HIPK2: variants seen among roughly 807,000 people sequenced by gnomAD.
HIPK2 encodes homeodomain interacting protein kinase 2, also known as homeodomain-interacting protein kinase 2.
In HIPK2, 27 loss-of-function variants were observed where a neutral mutation model predicts 113.7. That is an observed-to-expected ratio of 0.24 (90% confidence interval 0.17 to 0.33). The LOEUF (loss-of-function observed/expected upper bound fraction) is 0.33. HIPK2 is among the 10% of genes least tolerant of loss of function. The pLI is 1.00. For synonymous variants in HIPK2, 631 were observed against 642.2 expected (o/e 0.98, Z 0.26); for missense variants, 1,257 against 1,588.0 (o/e 0.79, Z 3.54).
chr7:139,721,144 C>A (rs1415467868), intron 1 of HIPK2, among the ~76,000 whole-genome samples: 2 of 152,204 alleles, frequency 1.3e-5, no homozygotes, highest in Non-Finnish European at 2.9e-5. Context: ...GCCGCTATTC[C>A]AATGACTGGA....
intron 2 of HIPK2, among the ~76,000 whole-genome samples, chr7:139,704,641 T>C (rs1794836828): frequency 1.3e-5 from 2 of 152,162 alleles, no homozygotes; most frequent in Non-Finnish European, 2.9e-5. Flanking sequence ...CACACAGACG[T>C]GCTCTGTCTT....
At chr7:139,745,071 G>T (rs372890178) in intron 1 of HIPK2, among the ~76,000 whole-genome samples, 4 of 152,182 alleles carry the variant, frequency 2.6e-5, no homozygotes, top group African/African-American at 9.7e-5. Flanking sequence ...ACAAGCTGGC[G>T]TATTGTTCAC....
rs748501094 is a variant in HIPK2, at chr7:139,573,208, T to C, written c.3316A>G (p.Thr1106Ala). The C allele has an allele frequency of 1.2e-6, 2 of 1,605,746 alleles. No individual in the cohort carries two copies. Among genetic ancestry groups the C allele is most frequent in the Non-Finnish European group, 1.7e-6 (2 of 1,179,234 alleles). Residue 1106 changes from threonine (T) to alanine (A), a missense_variant, in exon 15 of 15, where the codon ACT becomes GCT. Physicochemically the swap from Thr to Ala is moderately conservative, Grantham distance 58. Around this residue, in one of 5 missense-constraint regions of HIPK2, gnomAD observed 862 missense variants for 1,004.3 expected, o/e 0.86. Transcript: ENST00000406875. The part of the protein sequence containing the change: ...LPTQPHLYTY[T>A]APAALGSTGT... ...GTGGAGCCCAGGGCCGCCGGCGCAGTGTAGGTGTAGAGGTGGGGCTGGGTG... is the reference window on the plus strand; with the variant it reads ...GTGGAGCCCAGGGCCGCCGGCGCAGCGTAGGTGTAGAGGTGGGGCTGGGTG...
At chr7:139,621,158 C>A (rs957299540) in intron 6 of HIPK2, among the ~76,000 whole-genome samples, 2 of 152,208 alleles carry the variant, frequency 1.3e-5, no homozygotes, top group Non-Finnish European at 2.9e-5. Context: ...TAGTGGTTAA[C>A]ATTTATTAGT....
chr7:139,577,627 A>G (rs1798535826), intron 13 of HIPK2, among the ~76,000 whole-genome samples: 1 of 152,250 alleles, frequency 6.6e-6, no homozygotes, highest in South Asian at 2.1e-4. Flanking sequence ...TTGTATAGTT[A>G]GAAACCATAG....
At chr7:139,666,476 T>C (rs536869714) in intron 2 of HIPK2, among the ~76,000 whole-genome samples, 1 of 152,326 alleles carries the variant, frequency 6.6e-6, no homozygotes, top group Admixed American at 6.5e-5. Context: ...GCAAATATCA[T>C]CTTCTTCCTT....
At chr7:139,741,924 C>T (rs1796108234) in intron 1 of HIPK2, among the ~76,000 whole-genome samples, 1 of 152,170 alleles carries the variant, frequency 6.6e-6, no homozygotes, top group South Asian at 2.1e-4. Flanking sequence ...TCATCTAAGC[C>T]TCACGGCAAC....
intron 1 of HIPK2, among the ~76,000 whole-genome samples, chr7:139,725,524 T>G (rs1795549908): frequency 6.6e-6 from 1 of 152,246 alleles, no homozygotes; most frequent in Non-Finnish European, 1.5e-5. Context: ...CAGTATGCAC[T>G]GTGTATACAA....
chr7:139,728,066 A>G (rs1011339333), intron 1 of HIPK2, among the ~76,000 whole-genome samples: 2 of 151,488 alleles, frequency 1.3e-5, no homozygotes, highest in Non-Finnish European at 2.9e-5. Flanking sequence ...CAGTCTCCCA[A>G]GTAGCTGGGA....
intron 2 of HIPK2, among the ~76,000 whole-genome samples, chr7:139,704,686 C>T (rs963091424): frequency 3.3e-5 from 5 of 152,206 alleles, no homozygotes; most frequent in Non-Finnish European, 5.9e-5. Context: ...TGGCATCACT[C>T]CAGCCTTGGC....
chr7:139,760,798 C>G (rs985372536), intron 1 of HIPK2, among the ~76,000 whole-genome samples: 1 of 152,198 alleles, frequency 6.6e-6, no homozygotes, highest in Non-Finnish European at 1.5e-5. Context: ...CAAGTCACCT[C>G]TGCACCAATA....
chr7:139,732,817 ATATG>A (rs1277808082), intron 1 of HIPK2, among the ~76,000 whole-genome samples: 1 of 132,136 alleles, frequency 7.6e-6, no homozygotes, highest in Non-Finnish European at 1.5e-5. Flanking sequence ...TATTATATAT[ATATG>A]TGTGTGTGTG....
chr7:139,746,048 G>C (rs531999323), intron 1 of HIPK2, among the ~76,000 whole-genome samples: 22 of 152,312 alleles, frequency 1.4e-4, no homozygotes, highest in Admixed American at 1.1e-3. Flanking sequence ...CACGCATCCT[G>C]CTGGAACAGA....
chr7:139,736,820 G>A (rs868100018), intron 1 of HIPK2, among the ~76,000 whole-genome samples: 1 of 152,178 alleles, frequency 6.6e-6, no homozygotes, highest in Non-Finnish European at 1.5e-5. Context: ...GAGAATGTCC[G>A]AATGTATGTT....
Position 139,613,399 on chromosome 7 carries a change from G to T in HIPK2, c.1991-76C>A. 2.6e-6 allele frequency: 4 copies of T among 1,553,162 alleles called. No homozygotes were observed. The highest frequency in any genetic ancestry group is 3.5e-6 in the Non-Finnish European group (4 of 1,144,612). On this transcript the variant is annotated intron_variant, in intron 8 of 14. Transcript: ENST00000406875. The surrounding 1 kb of genome is among the most constrained non-coding windows in gnomAD (Gnocchi z 4.2). ...AGCTGGATGAAAAGAACCTTCCTGG[G>T]CAGTTATGTCAACTTTCTGCTTCCC...
intron 1 of HIPK2, among the ~76,000 whole-genome samples, chr7:139,768,236 T>A (rs1796585062): frequency 6.6e-6 from 1 of 152,248 alleles, no homozygotes; most frequent in African/African-American, 2.4e-5. Context: ...TTGTGTCTTA[T>A]AACCGTGAAA....
rs534473742 is a variant in HIPK2 at position 139,714,927 on chromosome 7, A to G, written c.1103+1005T>C. ...CCATGTTACCTCCCAGCTGCCCACG[A>G]GGCTGGTGAGAGGATTTCTCCCACT... On this transcript the variant is annotated intron_variant, in intron 2 of 14. Transcript: ENST00000406875. This position sits in a 1 kb window ranked among gnomAD's most constrained non-coding sequence, Gnocchi z 4.2. Among the ~76,000 whole-genome samples the G allele has an allele frequency of 2.0e-5, 3 of 152,294 alleles. No homozygotes were observed. Among genetic ancestry groups the G allele is most frequent in the African/African-American group, 7.2e-5 (3 of 41,562 alleles).
At position 139,588,313 on chromosome 7, in the gene HIPK2, G is replaced by GC. The variant is rs530915386; in HGVS notation, c.2718-4250dup. Among the ~76,000 whole-genome samples, 179 of 150,948 alleles carry GC rather than the reference G, an allele frequency of 1.2e-3. 1 individual carries two copies. Among genetic ancestry groups the GC allele is most frequent in the African/African-American group, 3.9e-3 (159 of 41,028 alleles). On this transcript the variant is annotated intron_variant, in intron 12 of 14. Coordinates refer to ENST00000406875, the MANE Select transcript of HIPK2 (RefSeq NM_022740.5). ...AGCCTGGGTGACAGAGTGAGACTCT[G>GC]CCCCCACACCGCGCTGGCCCCCTGC...
At chr7:139,579,547 G>A (rs948827001) in intron 13 of HIPK2, among the ~76,000 whole-genome samples, 3 of 152,280 alleles carry the variant, frequency 2.0e-5, no homozygotes, top group Non-Finnish European at 2.9e-5. Context: ...AAGAGGAGAC[G>A]CCTGAGGCTG....
Sources: gnomAD v4.1 joint callset for allele counts (sites outside exome capture counted in the v4.1 genomes callset) on GRCh38, gnomAD v4.1.1 for gene constraint, gnomAD v4.1.1 regional missense constraint, Gnocchi (gnomAD v3.1) non-coding constraint, MANE v1.5 for transcripts, NCBI Gene and HGNC (gene_info 2026-07-23, HGNC 2026-07-21) for gene names.